TNFSF10: variants seen among roughly 807,000 people sequenced by gnomAD.
TNFSF10 encodes TNF superfamily member 10, also known as tumor necrosis factor ligand superfamily member 10.
Under a neutral mutation model 29.5 loss-of-function variants are expected in TNFSF10, and 13 were observed. That is an observed-to-expected ratio of 0.44 (90% CI 0.29 to 0.70). The LOEUF (loss-of-function observed/expected upper bound fraction) is 0.70. Among genes scored for constraint, TNFSF10 ranks in the 30% least tolerant of loss-of-function variants. TNFSF10 has a pLI of 0.13. For synonymous variants in TNFSF10, 111 were observed against 112.8 expected (o/e 0.98, Z 0.10); for missense variants, 345 against 330.9 (o/e 1.04, Z -0.33).
At chr3:172,515,736 A>G (rs1274947702) in intron 1 of TNFSF10, among the ~76,000 whole-genome samples, 1 of 152,086 alleles carries the variant, frequency 6.6e-6, no homozygotes, top group East Asian at 1.9e-4. Flanking sequence ...ACCCTCATCA[A>G]CAAATCCTTG....
intron 1 of TNFSF10, among the ~76,000 whole-genome samples, chr3:172,521,863 C>T (rs916622844): frequency 2.6e-5 from 4 of 152,164 alleles, no homozygotes; most frequent in Non-Finnish European, 4.4e-5. Flanking sequence ...ACTATGCAGC[C>T]ATTAAAAAGA....
chr3:172,514,916 C>T lies in TNFSF10; in HGVS notation c.215G>A (p.Ser72Asn), dbSNP rs748496873. ...GACTTGCCAGCAGGGGCTGTTCATA[C>T]TCTCTTCGTCATTGGGGTCCCAATA... ...DSYWDPNDEE[S>N]MNSPCWQVKW... Residue 72 changes from serine to asparagine, a missense_variant, in exon 2 of 5, where the codon AGT becomes AAT. Transcript: ENST00000241261. 2.5e-6 allele frequency: 4 copies of T among 1,614,186 alleles called. No individual in the cohort carries two copies. The highest frequency in any genetic ancestry group is 1.3e-5 in the African/African-American group (1 of 75,050).
In TNFSF10 at chr3:172,518,242, G is replaced by A. The variant is rs554447893; in HGVS notation, c.133-3244C>T. On this transcript the variant is annotated intron_variant, in intron 1 of 4. Transcript: ENST00000241261. ...TCTGAAAAGAAAGCTCTTGCACTGG[G>A]TGCCTGTTCTTCAGCTCCAGAAGCC... is the stretch of plus-strand genomic sequence containing the variant. 3.8e-5 allele frequency: 44 copies of A among 1,144,656 alleles called. No homozygotes were observed. The Admixed American group carries it at 1.8e-3, about 46-fold the overall frequency. The allele number at this position is 1,144,656 out of a possible 1,614,324, so 70.9% of individuals were successfully genotyped here.
rs375652435 is a variant in TNFSF10 at position 172,522,198 on chromosome 3, TAAAGTAAAATAA to T, written c.132+1043_132+1054del. On this transcript the variant is annotated intron_variant, in intron 1 of 4. Coordinates refer to ENST00000241261, the MANE Select transcript of TNFSF10 (RefSeq NM_003810.4). The stretch of plus-strand genomic sequence containing the variant: ...CGTTCTGTACACGTATCCCAGAACT[TAAAGTAAAATAA>T]AAAAATTTAAAAATAAAGAAATCTG... 1,308 of 404,562 alleles carry T rather than the reference TAAAGTAAAATAA, an allele frequency of 3.2e-3. 7 individuals are homozygous for T. Among genetic ancestry groups the T allele is most frequent in the African/African-American group, 0.025 (1,218 of 48,808 alleles). The allele number at this position is 404,562 out of a possible 1,614,324, so 25.1% of individuals were successfully genotyped here.
chr3:172,514,789 G>A, intron 2 of TNFSF10, 72 bp downstream of exon 2: 1 of 1,550,708 alleles, frequency 6.4e-7, no homozygotes, highest in Non-Finnish European at 8.8e-7. Flanking sequence ...TTATCTTAAA[G>A]ATTCCTTTGC....
rs1310478330 is a variant in TNFSF10, at chr3:172,523,220, C to T, written c.132+33G>A. On this transcript the variant is annotated intron_variant, in intron 1 of 4. Transcript: ENST00000241261. The stretch of plus-strand genomic sequence containing the variant: ...CAGGTAACCAGACATTTGCTAAGCG[C>T]CTCGAAGACTGAGTGCACTGCACTG... 32 of 1,559,374 alleles carry T rather than the reference C, an allele frequency of 2.1e-5. No homozygotes were observed. In the East Asian group the frequency reaches 6.9e-4, roughly 33 times the overall value.
rs1712979898 is a variant in TNFSF10 at position 172,506,301 on chromosome 3, G to A, written c.*191C>T. Reference sequence around the variant, plus strand: ...AATTTCATTCTCTTGGGATAAGTGAGTCACTTTCAGAACAGTGTGTGTTGT... The same window carrying A: ...AATTTCATTCTCTTGGGATAAGTGAATCACTTTCAGAACAGTGTGTGTTGT... On this transcript the variant is annotated 3_prime_UTR_variant, in exon 5 of 5. Coordinates refer to ENST00000241261, the MANE Select transcript of TNFSF10 (RefSeq NM_003810.4). 1 of 560,384 alleles carries A rather than the reference G, an allele frequency of 1.8e-6. No individual in the cohort carries two copies. Among genetic ancestry groups the A allele is most frequent in the Non-Finnish European group, 3.0e-6 (1 of 328,706 alleles). The allele number at this position is 560,384 out of a possible 1,614,324, so 34.7% of individuals were successfully genotyped here.
At chr3:172,516,712 T>G (rs774527122) in intron 1 of TNFSF10, among the ~76,000 whole-genome samples, 11 of 152,168 alleles carry the variant, frequency 7.2e-5, no homozygotes, top group Non-Finnish European at 1.5e-4. Flanking sequence ...GCCATGGACT[T>G]AGGTACATTT....
intron 2 of TNFSF10, among the ~76,000 whole-genome samples, chr3:172,514,216 A>G (rs1170715483): frequency 6.6e-6 from 1 of 152,248 alleles, no homozygotes; most frequent in Non-Finnish European, 1.5e-5. Context: ...TCACTCTGCC[A>G]CATTTAGTAA....
chr3:172,506,483 C>A lies in TNFSF10; in HGVS notation c.*9G>T. 6.3e-7 allele frequency: 1 copy of A among 1,587,938 alleles called. No individual in the cohort carries two copies. On this transcript the variant is annotated 3_prime_UTR_variant, in exon 5 of 5. Transcript: ENST00000241261. ...ACTTTGAGGTTATTGCTTTTTCTTT[C>A]CAGGTCAGTTAGCCAACTAAAAAGG...
At chr3:172,509,911 G>A (rs1713153812) in intron 3 of TNFSF10, among the ~76,000 whole-genome samples, 2 of 151,212 alleles carry the variant, frequency 1.3e-5, no homozygotes, top group African/African-American at 4.9e-5. Flanking sequence ...TCCAGGAGGC[G>A]GAGCTTGCAG....
At chr3:172,509,102 A>G in intron 4 of TNFSF10, 115 bp downstream of exon 4, 1 of 777,962 alleles carries the variant, frequency 1.3e-6, no homozygotes, top group Non-Finnish European at 2.0e-6. Context: ...ATTAATACTG[A>G]GCATTTTGTA....
intron 3 of TNFSF10, among the ~76,000 whole-genome samples, chr3:172,510,728 T>G (rs1422172607): frequency 6.6e-6 from 1 of 151,940 alleles, no homozygotes; most frequent in Non-Finnish European, 1.5e-5. Flanking sequence ...GTGTTCAACA[T>G]TCTCACTACT....
In TNFSF10 at chr3:172,518,424, C is replaced by T. The variant is rs141759288; in HGVS notation, c.133-3426G>A. ...TTCAAGATGGCAGCAATGACCCTGT[C>T]TGCTGCCCAGACATTAGTCTCTGGC... On this transcript the variant is annotated intron_variant, in intron 1 of 4. Coordinates refer to ENST00000241261, the MANE Select transcript of TNFSF10 (RefSeq NM_003810.4). 185 of 1,289,418 alleles carry T rather than the reference C, an allele frequency of 1.4e-4. 2 individuals are homozygous for T. The East Asian group carries it at 5.3e-3, about 37-fold the overall frequency. The allele number at this position is 1,289,418 out of a possible 1,614,324, so 79.9% of individuals were successfully genotyped here.
rs979512463 is a variant in TNFSF10 at position 172,506,046 on chromosome 3, C to G, written c.*446G>C. 1 of 154,292 alleles carries G rather than the reference C, an allele frequency of 6.5e-6. No individual in the cohort carries two copies. The highest frequency in any genetic ancestry group is 2.4e-5 in the African/African-American group (1 of 41,444). 9.6% of individuals were successfully genotyped at this position (154,292 alleles called of 1,614,324 possible). ...GGCAAACTGCGATCTTTTAGTGGTG[C>G]CTCTTCTCTCTTTTGACTTAAGGAT... On this transcript the variant is annotated 3_prime_UTR_variant, in exon 5 of 5. Transcript: ENST00000241261.
chr3:172,511,644 A>T lies in TNFSF10; in HGVS notation c.286T>A (p.Ser96Thr). Residue 96 changes from serine to threonine, a missense_variant, in exon 3 of 5, where the codon TCT becomes ACT. Physicochemically the swap from Ser to Thr is moderately conservative, Grantham distance 58. Coordinates refer to ENST00000241261, the MANE Select transcript of TNFSF10 (RefSeq NM_003810.4). ...QLVRKMILRT[S>T]EETISTVQEK... is the part of the protein sequence containing the mutation. ...TGAACTGTAGAAATGGTTTCCTCAG[A>T]GGTTCTCAAAATCATCTGCAAATAT... 1 of 1,611,924 alleles carries T rather than the reference A, an allele frequency of 6.2e-7. No individual in the cohort carries two copies. Among genetic ancestry groups the T allele is most frequent in the East Asian group, 2.2e-5 (1 of 44,812 alleles).
chr3:172,515,091 C>G, intron 1 of TNFSF10, 93 bp from the exon 2 acceptor site: 1 of 1,553,850 alleles, frequency 6.4e-7, no homozygotes, highest in Non-Finnish European at 8.7e-7. Flanking sequence ...TGATAGCAGA[C>G]TTAAAGAAGT....
chr3:172,513,125 A>AG (rs1372269384), intron 2 of TNFSF10, among the ~76,000 whole-genome samples: 2 of 152,202 alleles, frequency 1.3e-5, no homozygotes, highest in Non-Finnish European at 2.9e-5. Context: ...TCTAGTTGGT[A>AG]GCAGGATGTG....
chr3:172,518,355 T>C (rs901621089), intron 1 of TNFSF10: 4 of 1,281,702 alleles, frequency 3.1e-6, no homozygotes, highest in Non-Finnish European at 4.1e-6. Flanking sequence ...CAACCAGTCC[T>C]TGATGGGGCT....
Sources: allele counts gnomAD v4.1 joint callset (sites outside exome capture counted in the v4.1 genomes callset), GRCh38; gene constraint gnomAD v4.1.1; transcripts MANE v1.5; gene names NCBI Gene and HGNC (gene_info 2026-07-23, HGNC 2026-07-21).